SBF2: variants seen among roughly 807,000 people sequenced by gnomAD.
SBF2 encodes the protein myotubularin-related protein 13.
Under a neutral mutation model 225.2 loss-of-function variants are expected in SBF2, and 112 were observed. The ratio of observed to expected loss-of-function variants is 0.50; its 90% confidence interval spans 0.43 to 0.58. The LOEUF (loss-of-function observed/expected upper bound fraction) is 0.58. Among genes scored for constraint, SBF2 ranks in the 20% least tolerant of loss-of-function variants. The pLI is 0.00. For missense variants in SBF2, 1,996 were observed against 2,206.2 expected, an observed-to-expected ratio of 0.90 and a Z score of 1.91; for synonymous variants, 763 against 773.3, an observed-to-expected ratio of 0.99 and a Z score of 0.22.
rs373695066 is a variant in SBF2 at position 10,025,834 on chromosome 11, A to G, written c.619+2618T>C. Reference sequence around the variant, plus strand: ...CAGGCTGGTCTCGAACACCTGCCCTAAAGTGATCCACCTGCCTTGGCCTCC... The same window carrying G: ...CAGGCTGGTCTCGAACACCTGCCCTGAAGTGATCCACCTGCCTTGGCCTCC... On this transcript the variant is annotated intron_variant, in intron 6 of 39. Transcript: ENST00000256190. Among the ~76,000 whole-genome samples the G allele has an allele frequency of 2.6e-5, 4 of 152,056 alleles. No homozygotes were observed. The South Asian group carries it at 6.2e-4, about 24-fold the overall frequency.
chr11:10,120,579 T>A (rs1953389700), intron 2 of SBF2, among the ~76,000 whole-genome samples: 1 of 152,168 alleles, frequency 6.6e-6, no homozygotes, highest in Non-Finnish European at 1.5e-5. Context: ...AGGGTCTAAT[T>A]TAATCCACAT....
Position 9,871,672 on chromosome 11 carries a change from T to C in SBF2, c.1930-13276A>G, listed in dbSNP as rs142261835. On this transcript the variant is annotated intron_variant, in intron 17 of 39. Transcript: ENST00000256190. Reference sequence around the variant, plus strand: ...ATGCTCAGCTAATTTATTGTATTTTTAGTTGAGACGGGGTTTCACCGTGTT... The same window carrying C: ...ATGCTCAGCTAATTTATTGTATTTTCAGTTGAGACGGGGTTTCACCGTGTT... 4.4e-3 allele frequency among the ~76,000 whole-genome samples: 663 copies of C among 152,064 alleles called. 14 individuals carry two copies. In the East Asian group the frequency reaches 0.057, roughly 13 times the overall value.
chr11:9,828,197 A>C, intron 28 of SBF2: 1 of 1,289,696 alleles, frequency 7.8e-7, no homozygotes, highest in Non-Finnish European at 1.0e-6. Context: ...CACAGTGGAC[A>C]TTCTTGAAGT....
intron 16 of SBF2, among the ~76,000 whole-genome samples, chr11:9,950,611 A>G (rs2134323417): frequency 6.6e-6 from 1 of 152,320 alleles, no homozygotes; most frequent in Non-Finnish European, 1.5e-5. Flanking sequence ...CTGGCACAAT[A>G]TTGACCAGCT....
intron 16 of SBF2, among the ~76,000 whole-genome samples, chr11:9,937,992 G>C (rs892305909): frequency 6.6e-6 from 1 of 152,076 alleles, no homozygotes; most frequent in Non-Finnish European, 1.5e-5. Context: ...AGACTTATAA[G>C]AAAATATTAA....
intron 1 of SBF2, among the ~76,000 whole-genome samples, chr11:10,245,637 C>A (rs1690600739): frequency 6.6e-6 from 1 of 152,168 alleles, no homozygotes; most frequent in Non-Finnish European, 1.5e-5. Flanking sequence ...AGCAATCTCA[C>A]TTCCAGATAT....
intron 23 of SBF2, among the ~76,000 whole-genome samples, chr11:9,846,112 G>T (rs1012277062): frequency 3.3e-5 from 5 of 152,184 alleles, no homozygotes; most frequent in East Asian, 1.9e-4. Context: ...AGGAAGAAAA[G>T]AAATCCATTT....
chr11:9,846,837 T>G, intron 23 of SBF2, 119 bp downstream of exon 23: 4 of 1,141,392 alleles, frequency 3.5e-6, no homozygotes, highest in Non-Finnish European at 5.2e-6. Flanking sequence ...TCAGACCCTA[T>G]GATCTTCCCC....
chr11:9,989,055 T>TATAC lies in SBF2; in HGVS notation c.1395+441_1395+442insGTAT, dbSNP rs963608316. 1.8e-4 allele frequency among the ~76,000 whole-genome samples: 26 copies of TATAC among 142,622 alleles called. 3 individuals are homozygous for TATAC. The highest frequency in any genetic ancestry group is 2.7e-4 in the Non-Finnish European group (17 of 62,626). 93.6% of individuals were successfully genotyped at this position (142,622 alleles called of 152,430 possible). On this transcript the variant is annotated intron_variant, in intron 13 of 39. Transcript: ENST00000256190. ...ACTGTGCCAAATATATATATATATATACATATGCATACATACACATACACA... is the reference window on the plus strand; with the variant it reads ...ACTGTGCCAAATATATATATATATATATACACATATGCATACATACACATACACA...
rs542739118 is a variant in SBF2, at chr11:9,917,406, C to A, written c.1861-21395G>T. Among the ~76,000 whole-genome samples, 30 of 151,524 alleles carry A rather than the reference C, an allele frequency of 2.0e-4. 1 individual carries two copies. The highest frequency in any genetic ancestry group is 3.5e-4 in the Non-Finnish European group (24 of 67,976). On this transcript the variant is annotated intron_variant, in intron 16 of 39. Coordinates refer to ENST00000256190, the MANE Select transcript of SBF2 (RefSeq NM_030962.4). ...AAGTGCAGTGACACGGTCTTGGCTCCCTGCAACCTCCGCCTCCCGAGTTCA... is the reference window on the plus strand; with the variant it reads ...AAGTGCAGTGACACGGTCTTGGCTCACTGCAACCTCCGCCTCCCGAGTTCA...
At chr11:10,077,716 A>G (rs1565204270) in intron 2 of SBF2, among the ~76,000 whole-genome samples, 1 of 152,282 alleles carries the variant, frequency 6.6e-6, no homozygotes, top group Non-Finnish European at 1.5e-5. Flanking sequence ...ACCATGTAGC[A>G]CATAGGCATG....
rs1420587751 is a variant in SBF2 at position 9,998,336 on chromosome 11, A to G, written c.905T>C (p.Ile302Thr). The G allele has an allele frequency of 6.2e-7, 1 of 1,608,442 alleles. No homozygotes were observed. The highest frequency in any genetic ancestry group is 8.5e-7 in the Non-Finnish European group (1 of 1,175,316). The change falls in exon 9 of 40, where the codon ATT becomes ACT. Residue 302 changes from isoleucine (I) to threonine (T), a missense_variant. By Grantham distance (89) the Ile-to-Thr change is moderately conservative. Transcript: ENST00000256190. Reference sequence around the variant, plus strand: ...GGAAGAGAGGTGAATACATTCGGGAATTTTAATAGTGCCTCCATCCAAATC... The same window carrying G: ...GGAAGAGAGGTGAATACATTCGGGAGTTTTAATAGTGCCTCCATCCAAATC... Reference protein sequence around the residue: ...IADLDGGTIKIPECIHLSSLP... With the variant: ...IADLDGGTIKTPECIHLSSLP...
At chr11:10,079,965 G>T (rs2134857003) in intron 2 of SBF2, among the ~76,000 whole-genome samples, 1 of 146,300 alleles carries the variant, frequency 6.8e-6, no homozygotes, top group African/African-American at 2.5e-5. Context: ...AAAAAAATGT[G>T]GGACAGGCAC....
intron 1 of SBF2, among the ~76,000 whole-genome samples, chr11:10,219,346 T>C (rs985686629): frequency 6.6e-6 from 1 of 151,938 alleles, no homozygotes; most frequent in Non-Finnish European, 1.5e-5. Context: ...ATGGCTGGAG[T>C]GGCTGGACGC....
chr11:9,982,959 TG>T (rs776983424), intron 13 of SBF2, among the ~76,000 whole-genome samples: 23 of 152,238 alleles, frequency 1.5e-4, no homozygotes, highest in Non-Finnish European at 3.4e-4. Context: ...CATTCCTGCC[TG>T]GCACCACAGG....
intron 5 of SBF2, 49 bp downstream of exon 5, chr11:10,029,716 G>T: frequency 1.8e-6 from 2 of 1,113,106 alleles, no homozygotes; most frequent in Non-Finnish European, 1.4e-6. Flanking sequence ...AACTGGAGGA[G>T]AGGGGAAGAG....
At chr11:10,060,606 G>A (rs1039961229) in intron 2 of SBF2, among the ~76,000 whole-genome samples, 6 of 152,142 alleles carry the variant, frequency 3.9e-5, no homozygotes, top group African/African-American at 1.4e-4. Flanking sequence ...CAATACCCTT[G>A]ATGAACATCA....
chr11:10,057,381 A>T (rs890018067), intron 2 of SBF2, among the ~76,000 whole-genome samples: 1 of 152,118 alleles, frequency 6.6e-6, no homozygotes, highest in Non-Finnish European at 1.5e-5. Flanking sequence ...AGGAGCAAAG[A>T]CCCTAAGTAC....
At chr11:9,913,362 A>G (rs928816707) in intron 16 of SBF2, among the ~76,000 whole-genome samples, 1 of 152,226 alleles carries the variant, frequency 6.6e-6, no homozygotes, top group Non-Finnish European at 1.5e-5. Flanking sequence ...TTATAATCAC[A>G]AAGAGATAGC....
Sources: gnomAD v4.1 joint callset for allele counts (sites outside exome capture counted in the v4.1 genomes callset) on GRCh38, gnomAD v4.1.1 for gene constraint, MANE v1.5 for transcripts, NCBI Gene and HGNC (gene_info 2026-07-23, HGNC 2026-07-21) for gene names.